The following ASPRV1 variants were observed in gnomAD, a reference collection of about 807,000 sequenced individuals.
The protein encoded by ASPRV1 is retroviral-like aspartic protease 1.
Under a neutral mutation model 11.0 loss-of-function variants are expected in ASPRV1, and 7 were observed. That is an observed-to-expected ratio of 0.64 (90% CI 0.36 to 1.20). ASPRV1 has a LOEUF of 1.20. Ranked by LOEUF, ASPRV1 falls within the 50% of genes most tolerant of loss-of-function variation. The probability of loss-of-function intolerance (pLI) is 0.02; values close to 1 mark genes in which losing one functional copy is unlikely to be tolerated. For synonymous variants in ASPRV1, 136 were observed against 138.4 expected, an observed-to-expected ratio of 0.98 and a Z score of 0.12; for missense variants, 299 against 320.0, an observed-to-expected ratio of 0.93 and a Z score of 0.50.
At chr2:70,019,067 A>C in the ASPRV1 span, 1 of 152,214 alleles carries the variant, frequency 6.6e-6, no homozygotes, top group African/African-American at 2.4e-5. Context: ...ACTCAGTAGG[A>C]AGAAAACAAA....
At chr2:70,039,609 T>G in the ASPRV1 span, among the ~76,000 whole-genome samples, 1 of 152,174 alleles carries the variant, frequency 6.6e-6, no homozygotes, top group Admixed American at 6.6e-5. Context: ...TTACTCTGCT[T>G]GCACAAGAAA....
the ASPRV1 span, chr2:70,030,301 G>A: frequency 1.3e-5 from 2 of 152,410 alleles, no homozygotes; most frequent in Non-Finnish European, 2.9e-5. Flanking sequence ...GCTGAGCTCT[G>A]AGTGGGGCTC....
At chr2:69,937,130 C>G in the ASPRV1 span, 6 of 1,452,210 alleles carry the variant, frequency 4.1e-6, no homozygotes, top group South Asian at 6.9e-5. Flanking sequence ...CGAAAGGCGT[C>G]TGAGGAAGTG....
At chr2:69,948,108 G>A in the ASPRV1 span, among the ~76,000 whole-genome samples, 3 of 151,164 alleles carry the variant, frequency 2.0e-5, no homozygotes, top group Non-Finnish European at 4.4e-5. Flanking sequence ...ATTAGCCGAG[G>A]TAGTGGCCTG....
chr2:70,041,632 T>C, the ASPRV1 span, among the ~76,000 whole-genome samples: 1 of 152,220 alleles, frequency 6.6e-6, no homozygotes, highest in African/African-American at 2.4e-5. Context: ...CAGTTAAACT[T>C]GAGACTGATG....
chr2:69,965,330 G>A (rs767376248), upstream of ASPRV1, among the ~76,000 whole-genome samples: 1 of 152,060 alleles, frequency 6.6e-6, no homozygotes, highest in Non-Finnish European at 1.5e-5. Flanking sequence ...ACCATGCCTG[G>A]CCCACCTCAA....
the ASPRV1 span, among the ~76,000 whole-genome samples, chr2:69,982,267 A>AAG: frequency 6.0e-4 from 91 of 151,430 alleles, no homozygotes; most frequent in African/African-American, 2.1e-3. Context: ...CAGCCTGGGC[A>AAG]AGAGAGAGAG....
chr2:70,057,932 T>C, the ASPRV1 span, among the ~76,000 whole-genome samples: 4 of 151,962 alleles, frequency 2.6e-5, no homozygotes, highest in East Asian at 7.7e-4. Context: ...TAGCTGGGAC[T>C]ACAGGCGCAT....
At chr2:69,964,410 C>T (rs145228449), upstream of ASPRV1, 50 of 438,296 alleles carry the variant, frequency 1.1e-4, no homozygotes, top group East Asian at 3.3e-3. Flanking sequence ...CTGGCCGAGT[C>T]TGGGAGTCTG....
chr2:69,975,537 CTT>C, the ASPRV1 span: 1 of 152,286 alleles, frequency 6.6e-6, no homozygotes, highest in South Asian at 2.1e-4. Flanking sequence ...TGCCAAGAGA[CTT>C]TGCCACCAAA....
chr2:69,955,440 C>G (rs540754568), downstream of ASPRV1, among the ~76,000 whole-genome samples: 115 of 152,334 alleles, frequency 7.5e-4, no homozygotes, highest in African/African-American at 2.7e-3. Flanking sequence ...TTGTCTTTCT[C>G]ATTTGCTGCC....
the ASPRV1 span, among the ~76,000 whole-genome samples, chr2:69,969,275 C>T: frequency 1.6e-4 from 24 of 152,290 alleles, no homozygotes; most frequent in East Asian, 4.2e-3. Context: ...CGAGGCAGCC[C>T]GCTTACACTC....
upstream of ASPRV1, chr2:69,963,490 C>T (rs891896927): frequency 1.5e-5 from 7 of 451,666 alleles, no homozygotes; most frequent in African/African-American, 6.0e-5. Context: ...TACCTCTGCA[C>T]ATCTGGTCCC....
chr2:70,049,535 T>C, the ASPRV1 span: 1 of 152,054 alleles, frequency 6.6e-6, no homozygotes, highest in Non-Finnish European at 1.5e-5. Flanking sequence ...TACCATTCAG[T>C]ACCCCTTATC....
At chr2:70,018,261 A>ACCC in the ASPRV1 span, 1 of 152,122 alleles carries the variant, frequency 6.6e-6, no homozygotes, top group Non-Finnish European at 1.5e-5. Context: ...AACACTGACG[A>ACCC]AAGAAACTGA....
chr2:69,961,428 C>A lies in ASPRV1; in HGVS notation c.9G>T (p.Gly3=). The A allele has an allele frequency of 6.2e-7, 1 of 1,614,098 alleles. No homozygotes were observed. The highest frequency in any genetic ancestry group is 8.5e-7 in the Non-Finnish European group (1 of 1,180,044). ...GGCCTTCCTCACTCCTGGCTCCGCTCCCGGCCATCCTGCTGCTCTCCTCTG... is the reference window on the plus strand; with the variant it reads ...GGCCTTCCTCACTCCTGGCTCCGCTACCGGCCATCCTGCTGCTCTCCTCTG... MA[G]SGARSEEGRR... The change falls in exon 1 of 1, where the codon GGG becomes GGT. Residue 3 remains glycine (G), a synonymous_variant. Transcript: ENST00000320256.
the ASPRV1 span, chr2:69,993,944 A>C: frequency 6.6e-6 from 1 of 152,246 alleles, no homozygotes; most frequent in Non-Finnish European, 1.5e-5. Flanking sequence ...TGTGCTCCAC[A>C]GATGTCAGCG....
At chr2:70,023,128 G>A in the ASPRV1 span, among the ~76,000 whole-genome samples, 1 of 152,214 alleles carries the variant, frequency 6.6e-6, no homozygotes, top group Non-Finnish European at 1.5e-5. Context: ...TTTCCTTTAA[G>A]GGCAGGGCCT....
the ASPRV1 span, among the ~76,000 whole-genome samples, chr2:70,009,576 C>T: frequency 6.6e-6 from 1 of 152,106 alleles, no homozygotes; most frequent in Non-Finnish European, 1.5e-5. Context: ...GTGATCCACC[C>T]GCCTCGGCCT....
Sources: allele counts gnomAD v4.1 joint callset (sites outside exome capture counted in the v4.1 genomes callset), GRCh38; gene constraint gnomAD v4.1.1; transcripts MANE v1.5; gene names NCBI Gene and HGNC (gene_info 2026-07-23, HGNC 2026-07-21).